The following PCDH15 variants were observed in gnomAD, a reference collection of about 807,000 sequenced individuals.
PCDH15 encodes the protein protocadherin-15.
Under a neutral mutation model 178.5 loss-of-function variants are expected in PCDH15, and 129 were observed. That is an observed-to-expected ratio of 0.72 (90% CI 0.63 to 0.84). The LOEUF (loss-of-function observed/expected upper bound fraction) is 0.84. Among genes scored for constraint, PCDH15 ranks in the 40% least tolerant of loss-of-function variants. The probability of loss-of-function intolerance (pLI) is 0.00; values close to 1 mark genes in which losing one functional copy is unlikely to be tolerated. For synonymous variants in PCDH15, 800 were observed against 732.0 expected (o/e 1.09, Z -1.50); for missense variants, 2,230 against 2,099.9 (o/e 1.06, Z -1.21).
intron 8 of PCDH15, among the ~76,000 whole-genome samples, chr10:54,292,577 T>G (rs2059490300): frequency 6.6e-6 from 1 of 152,152 alleles, no homozygotes; most frequent in Non-Finnish European, 1.5e-5. Context: ...AAAGCCCCAT[T>G]GTCTCAGCCC....
intron 2 of PCDH15, among the ~76,000 whole-genome samples, chr10:55,116,035 C>A (rs529327770): frequency 2.0e-5 from 3 of 152,230 alleles, no homozygotes; most frequent in South Asian, 2.1e-4. Flanking sequence ...ATACCCCGAC[C>A]TTTACCCTAT....
chr10:54,854,779 C>A (rs977201733), intron 3 of PCDH15, among the ~76,000 whole-genome samples: 17 of 152,102 alleles, frequency 1.1e-4, no homozygotes, highest in Non-Finnish European at 2.5e-4. Context: ...TGGCCACGGG[C>A]AGGCCAGAGA....
At position 54,686,086 on chromosome 10, in the gene PCDH15, C is replaced by T. The variant is rs112300652; in HGVS notation, c.-28-21796G>A. On this transcript the variant is annotated intron_variant, in intron 1 of 37. Transcript: ENST00000644397. Reference sequence around the variant, plus strand: ...TATTTTTAGTAGAGACGGAGTTTCACCATGTTGGTCAGGCTAGTCTTGTAC... The same window carrying T: ...TATTTTTAGTAGAGACGGAGTTTCATCATGTTGGTCAGGCTAGTCTTGTAC... Among the ~76,000 whole-genome samples the T allele has an allele frequency of 8.8e-3, 1,156 of 130,984 alleles. 10 individuals are homozygous for T. The highest frequency in any genetic ancestry group is 0.032 in the African/African-American group (1,116 of 35,138). 85.9% of individuals were successfully genotyped at this position (130,984 alleles called of 152,430 possible).
chr10:55,062,562 A>C (rs1841459463), intron 2 of PCDH15, among the ~76,000 whole-genome samples: 1 of 152,222 alleles, frequency 6.6e-6, no homozygotes. Context: ...TGAAATGATC[A>C]GTAATTGCCT....
intron 3 of PCDH15, among the ~76,000 whole-genome samples, chr10:54,841,135 T>A (rs1294720216): frequency 1.3e-5 from 2 of 151,788 alleles, no homozygotes; most frequent in African/African-American, 4.8e-5. Context: ...CAACTGTACA[T>A]GAAACATTCT....
chr10:54,259,009 C>G (rs2057118853), intron 8 of PCDH15, among the ~76,000 whole-genome samples: 1 of 152,050 alleles, frequency 6.6e-6, no homozygotes, highest in Admixed American at 6.6e-5. Flanking sequence ...CACTTCGAAT[C>G]TTATAAAATA....
chr10:53,830,128 C>A (rs1396951014), intron 30 of PCDH15, among the ~76,000 whole-genome samples: 1 of 151,840 alleles, frequency 6.6e-6, no homozygotes, highest in Non-Finnish European at 1.5e-5. Flanking sequence ...ATGGTGAAAC[C>A]CCGTCTCTAC....
In PCDH15 at chr10:55,626,899, T is replaced by A. The variant is rs563105773; in HGVS notation, c.-156+726A>T. ...CCCTGTATATTGCAAAAGTGTTCCA[T>A]TCTCTCTAAATTCACATTATATTTA... On this transcript the variant is annotated intron_variant, in intron 2 of 5. Transcript: ENST00000613346. Among the ~76,000 whole-genome samples the A allele has an allele frequency of 2.6e-3, 402 of 152,208 alleles. 1 individual carries two copies. Among genetic ancestry groups the A allele is most frequent in the South Asian group, 0.014 (68 of 4,820 alleles).
chr10:55,328,609 G>A (rs1844099996), intron 2 of PCDH15, among the ~76,000 whole-genome samples: 1 of 151,186 alleles, frequency 6.6e-6, no homozygotes, highest in Admixed American at 6.6e-5. Context: ...CATATTCATT[G>A]GTTCCATATA....
chr10:54,738,882 C>T (rs1213512574), intron 1 of PCDH15, among the ~76,000 whole-genome samples: 2 of 151,668 alleles, frequency 1.3e-5, no homozygotes, highest in African/African-American at 4.8e-5. Flanking sequence ...TTAAAAACAC[C>T]TAACAAACTA....
chr10:54,194,881 C>T (rs1186830015), intron 11 of PCDH15, among the ~76,000 whole-genome samples: 1 of 152,148 alleles, frequency 6.6e-6, no homozygotes, highest in African/African-American at 2.4e-5. Flanking sequence ...CAATGGGACT[C>T]TCTTTTCTGT....
intron 13 of PCDH15, among the ~76,000 whole-genome samples, chr10:54,167,033 T>C (rs1301714166): frequency 2.6e-5 from 4 of 152,172 alleles, no homozygotes; most frequent in African/African-American, 9.7e-5. Context: ...CTGACTCTCT[T>C]TTCGGACTCA....
At chr10:54,785,064 G>A (rs533519542) in intron 1 of PCDH15, among the ~76,000 whole-genome samples, 16 of 151,576 alleles carry the variant, frequency 1.1e-4, no homozygotes, top group Non-Finnish European at 2.1e-4. Flanking sequence ...TCATCTACCC[G>A]ATATGACCCA....
intron 23 of PCDH15, among the ~76,000 whole-genome samples, chr10:53,957,294 G>T (rs564234514): frequency 6.6e-6 from 1 of 152,142 alleles, no homozygotes; most frequent in South Asian, 2.1e-4. Flanking sequence ...TATATTTTTT[G>T]AGAACACCTG....
chr10:54,712,274 G>T (rs1463730367), intron 1 of PCDH15, among the ~76,000 whole-genome samples: 1 of 151,834 alleles, frequency 6.6e-6, no homozygotes, highest in Non-Finnish European at 1.5e-5. Flanking sequence ...TAGGCTAAAA[G>T]AAATAATCTG....
chr10:55,297,269 A>C (rs1196646743), intron 1 of PCDH15, among the ~76,000 whole-genome samples: 1 of 152,118 alleles, frequency 6.6e-6, no homozygotes, highest in Non-Finnish European at 1.5e-5. Flanking sequence ...GTGATCATTA[A>C]AAAAGTAATT....
At chr10:54,018,029 T>A (rs2092797808) in intron 20 of PCDH15, among the ~76,000 whole-genome samples, 2 of 152,172 alleles carry the variant, frequency 1.3e-5, no homozygotes, top group South Asian at 4.1e-4. Flanking sequence ...GCTAGCTATT[T>A]AGCAGGATAA....
intron 2 of PCDH15, among the ~76,000 whole-genome samples, chr10:55,418,870 G>A (rs1186731641): frequency 2.0e-5 from 3 of 151,706 alleles, no homozygotes; most frequent in Non-Finnish European, 4.4e-5. Flanking sequence ...TAAAGCAGAA[G>A]TTATTATAAA....
intron 2 of PCDH15, among the ~76,000 whole-genome samples, chr10:55,568,279 C>T (rs1193380976): frequency 6.6e-6 from 1 of 151,828 alleles, no homozygotes; most frequent in African/African-American, 2.4e-5. Context: ...ACCTTGAGGG[C>T]GTTATATCAA....
Sources: allele counts gnomAD v4.1 joint callset (sites outside exome capture counted in the v4.1 genomes callset), GRCh38; gene constraint gnomAD v4.1.1; transcripts MANE v1.5; gene names NCBI Gene and HGNC (gene_info 2026-07-23, HGNC 2026-07-21).